Variants in NRXN1 observed in about 807,000 individuals in gnomAD.
NRXN1 encodes the protein neurexin 1.
NRXN1 carries 39 observed loss-of-function variants against 150.9 expected under a neutral mutation model. The observed-to-expected ratio is 0.26, with a 90% CI of 0.20 to 0.34. NRXN1 has a LOEUF of 0.34. Among genes scored for constraint, NRXN1 ranks in the 10% least tolerant of loss-of-function variants. NRXN1 has a pLI of 1.00. For missense variants in NRXN1, 1,815 were observed against 1,949.9 expected, an observed-to-expected ratio of 0.93 and a Z score of 1.30; for synonymous variants, 924 against 757.0, an observed-to-expected ratio of 1.22 and a Z score of -3.62.
intron 17 of NRXN1, among the ~76,000 whole-genome samples, chr2:50,341,725 G>A (rs2077562022): frequency 6.6e-6 from 1 of 152,082 alleles, no homozygotes; most frequent in Non-Finnish European, 1.5e-5. Flanking sequence ...GTTATGTTTT[G>A]TTAGAAAAAA....
At chr2:50,785,208 G>T (rs188693423) in intron 5 of NRXN1, among the ~76,000 whole-genome samples, 1 of 150,866 alleles carries the variant, frequency 6.6e-6, no homozygotes, top group African/African-American at 2.4e-5. Context: ...TACCTCGATC[G>T]TGGATTCCAC....
At chr2:50,114,104 A>G (rs1408357301) in intron 18 of NRXN1, among the ~76,000 whole-genome samples, 3 of 152,158 alleles carry the variant, frequency 2.0e-5, no homozygotes, top group Non-Finnish European at 4.4e-5. Context: ...CAAAAGATAT[A>G]TCTGATAAAG....
At position 50,702,867 on chromosome 2, in the gene NRXN1, GT is replaced by G. The variant is rs879415779; in HGVS notation, c.833-79253del. ...TGATTTTAAAAACAGTAACAGACAAGTTTTTTTTCCCCCAGGATTCTCCATT... is the reference window on the plus strand; with the variant it reads ...TGATTTTAAAAACAGTAACAGACAAGTTTTTTTCCCCCAGGATTCTCCATT... On this transcript the variant is annotated intron_variant, in intron 5 of 22. Transcript: ENST00000401669. Among the ~76,000 whole-genome samples, 20 of 151,990 alleles carry G rather than the reference GT, an allele frequency of 1.3e-4. 1 individual carries two copies. The highest frequency in any genetic ancestry group is 4.2e-4 in the South Asian group (2 of 4,816).
chr2:50,888,200 T>C (rs1574834914), intron 5 of NRXN1, among the ~76,000 whole-genome samples: 1 of 151,264 alleles, frequency 6.6e-6, no homozygotes, highest in South Asian at 2.1e-4. Flanking sequence ...ACCCCAAACA[T>C]TAAAACAACA....
chr2:50,757,153 G>A (rs1036226239), intron 5 of NRXN1, among the ~76,000 whole-genome samples: 3 of 151,828 alleles, frequency 2.0e-5, no homozygotes, highest in Non-Finnish European at 4.4e-5. Context: ...GCGCAAAGAA[G>A]CATATTTAGT....
At chr2:50,424,310 G>A (rs2084295038) in intron 17 of NRXN1, among the ~76,000 whole-genome samples, 1 of 114,470 alleles carries the variant, frequency 8.7e-6, no homozygotes. Flanking sequence ...GGAGGAGGAG[G>A]GGGAGGAGGA....
intron 17 of NRXN1, among the ~76,000 whole-genome samples, chr2:50,238,542 G>A (rs1231087416): frequency 6.6e-6 from 1 of 152,022 alleles, no homozygotes; most frequent in Non-Finnish European, 1.5e-5. Flanking sequence ...TGTACCAAGA[G>A]TAACATTTAT....
chr2:49,974,303 A>G, intron 21 of NRXN1: 1 of 524,976 alleles, frequency 1.9e-6, no homozygotes, highest in Non-Finnish European at 3.6e-6. Flanking sequence ...CTGTTGGTAC[A>G]CAGCCCAGCC....
chr2:49,956,732 TTC>T (rs1192743354), intron 21 of NRXN1, among the ~76,000 whole-genome samples: 1 of 152,196 alleles, frequency 6.6e-6, no homozygotes, highest in African/African-American at 2.4e-5. Flanking sequence ...CTGGAAATGT[TTC>T]TATGAGTAGA....
intron 17 of NRXN1, among the ~76,000 whole-genome samples, chr2:50,388,605 T>C (rs2081479187): frequency 6.6e-6 from 1 of 152,206 alleles, no homozygotes; most frequent in Non-Finnish European, 1.5e-5. Flanking sequence ...ATTGGGTTTC[T>C]GACAGGGCAT....
At chr2:50,945,822 G>A (rs979113806) in intron 2 of NRXN1, among the ~76,000 whole-genome samples, 6 of 149,166 alleles carry the variant, frequency 4.0e-5, no homozygotes, top group East Asian at 2.0e-4. Context: ...AATTTACCAC[G>A]ACTTTATCGT....
At chr2:50,076,872 G>C (rs6711623) in intron 19 of NRXN1, among the ~76,000 whole-genome samples, 98,935 of 152,032 alleles carry the variant, frequency 0.65, 33,316 homozygotes, top group African/African-American at 0.83. Context: ...GTAATAACCA[G>C]TGGTATCACA....
chr2:50,001,811 A>T (rs1170030557), intron 21 of NRXN1, among the ~76,000 whole-genome samples: 1 of 151,984 alleles, frequency 6.6e-6, no homozygotes, highest in Non-Finnish European at 1.5e-5. Flanking sequence ...TCTTATTGGA[A>T]TTTTCTCCCT....
At chr2:50,975,845 C>A (rs552532267) in intron 2 of NRXN1, among the ~76,000 whole-genome samples, 1 of 151,968 alleles carries the variant, frequency 6.6e-6, no homozygotes, top group South Asian at 2.1e-4. Context: ...AGGGCTAACC[C>A]AAGAGCAGTC....
chr2:50,785,474 C>T (rs961745165), intron 5 of NRXN1, among the ~76,000 whole-genome samples: 6 of 152,060 alleles, frequency 3.9e-5, no homozygotes, highest in Admixed American at 2.0e-4. Context: ...GGTCTTGATT[C>T]CCTGACCTCA....
intron 5 of NRXN1, among the ~76,000 whole-genome samples, chr2:50,674,313 A>T (rs1260857832): frequency 1.3e-5 from 2 of 152,002 alleles, no homozygotes; most frequent in Non-Finnish European, 2.9e-5. Flanking sequence ...ACAAACAAAA[A>T]CTCCAAGTAG....
chr2:50,081,959 A>G (rs1394070883), intron 19 of NRXN1, among the ~76,000 whole-genome samples: 1 of 152,104 alleles, frequency 6.6e-6, no homozygotes, highest in Non-Finnish European at 1.5e-5. Flanking sequence ...TAATAGTCAA[A>G]TTATAAAAGC....
chr2:50,331,706 C>T (rs1450417054), intron 17 of NRXN1, among the ~76,000 whole-genome samples: 1 of 152,114 alleles, frequency 6.6e-6, no homozygotes, highest in Non-Finnish European at 1.5e-5. Context: ...CACCATTCTC[C>T]TTGTGTTCAA....
chr2:50,820,411 G>C (rs951837399), intron 5 of NRXN1, among the ~76,000 whole-genome samples: 3 of 152,002 alleles, frequency 2.0e-5, no homozygotes, highest in Non-Finnish European at 4.4e-5. Flanking sequence ...TTCAGTGGAG[G>C]GTGTCCTTTT....
Sources: allele counts gnomAD v4.1 joint callset (sites outside exome capture counted in the v4.1 genomes callset), GRCh38; gene constraint gnomAD v4.1.1; transcripts MANE v1.5; gene names NCBI Gene and HGNC (gene_info 2026-07-23, HGNC 2026-07-21).